STK32C: variants seen among roughly 807,000 people sequenced by gnomAD.
The protein encoded by STK32C is serine/threonine-protein kinase 32C.
STK32C carries 31 observed loss-of-function variants against 56.5 expected under a neutral mutation model. The ratio of observed to expected loss-of-function variants is 0.55; its 90% CI spans 0.41 to 0.74. The LOEUF is 0.74. STK32C is among the 30% of genes least tolerant of loss of function. The probability of loss-of-function intolerance (pLI) is 0.00; values close to 1 mark genes in which losing one functional copy is unlikely to be tolerated. For synonymous variants in STK32C, 309 were observed against 289.4 expected (o/e 1.07, Z -0.69); for missense variants, 544 against 676.9 (o/e 0.80, Z 2.18).
chr10:132,240,078 C>G (rs554083007), intron 2 of STK32C, among the ~76,000 whole-genome samples: 62 of 152,194 alleles, frequency 4.1e-4, no homozygotes, highest in Non-Finnish European at 5.2e-4. Context: ...GAGGCCCCCC[C>G]CAAAGAAGAC....
intron 1 of STK32C, among the ~76,000 whole-genome samples, chr10:132,251,938 CCACCACAGGCAGG>C (rs2063924033): frequency 1.0e-5 from 1 of 99,832 alleles, no homozygotes. Flanking sequence ...CCTCCACTAC[CCACCACAGGCAGG>C]TCAATGCCCT....
chr10:132,311,540 T>C (rs939889940), upstream of STK32C, among the ~76,000 whole-genome samples: 4 of 152,172 alleles, frequency 2.6e-5, no homozygotes, highest in Non-Finnish European at 5.9e-5. This position sits in a 1 kb window ranked among gnomAD's most constrained non-coding sequence, Gnocchi z 4.4. Context: ...TTAAAGGTCA[T>C]GTGGCCACCT....
At chr10:132,265,095 T>G (rs71512293) in intron 1 of STK32C, among the ~76,000 whole-genome samples, 3,235 of 80,554 alleles carry the variant, frequency 0.04, 56 homozygotes, top group Non-Finnish European at 0.055. Flanking sequence ...TGGGGGTGCC[T>G]CAAGGGCGGT....
At chr10:132,262,342 G>C (rs1484850747) in intron 1 of STK32C, among the ~76,000 whole-genome samples, 3 of 152,140 alleles carry the variant, frequency 2.0e-5, no homozygotes, top group African/African-American at 7.2e-5. Flanking sequence ...AGTTCTAGGA[G>C]AAAAGCAGAA....
At chr10:132,223,745 C>T (rs756000407) in intron 8 of STK32C, among the ~76,000 whole-genome samples, 23 of 152,182 alleles carry the variant, frequency 1.5e-4, no homozygotes, top group Non-Finnish European at 2.5e-4. Flanking sequence ...GGGAGGCAGC[C>T]GGGCCCGTGT....
chr10:132,212,629 A>G (rs756411933), intron 10 of STK32C, among the ~76,000 whole-genome samples: 1 of 152,208 alleles, frequency 6.6e-6, no homozygotes, highest in Non-Finnish European at 1.5e-5. Flanking sequence ...AAGATAGCCC[A>G]TGGAACAGGA....
chr10:132,231,807 A>C (rs919909895), intron 2 of STK32C, among the ~76,000 whole-genome samples: 1 of 152,218 alleles, frequency 6.6e-6, no homozygotes, highest in Non-Finnish European at 1.5e-5. Context: ...CAGCCTGGGA[A>C]TGGAGTGACA....
At chr10:132,208,181 T>C (rs765358376) in intron 11 of STK32C, 30 bp from the exon 12 acceptor site, 2 of 1,305,864 alleles carry the variant, frequency 1.5e-6, no homozygotes, top group African/African-American at 1.5e-5. Flanking sequence ...TGGAGGGCGT[T>C]ATGCCCCCAC....
intron 1 of STK32C, among the ~76,000 whole-genome samples, chr10:132,280,405 C>CA (rs1564772511): frequency 7.3e-6 from 1 of 137,712 alleles, no homozygotes; most frequent in Admixed American, 7.1e-5. Context: ...TGATCACGCA[C>CA]CTCCACCCCC....
chr10:132,331,954 G>T (rs1362390230), upstream of STK32C: 14 of 514,226 alleles, frequency 2.7e-5, no homozygotes, highest in South Asian at 3.0e-4. Context: ...CCCCAGCGCA[G>T]GCGCACCACA....
intron 10 of STK32C, among the ~76,000 whole-genome samples, chr10:132,209,750 G>A (rs1052488480): frequency 2.6e-5 from 4 of 152,186 alleles, no homozygotes; most frequent in South Asian, 4.1e-4. Context: ...TATGGTGACC[G>A]TGAACTTGGA....
chr10:132,283,062 C>T (rs1044885257), intron 1 of STK32C, among the ~76,000 whole-genome samples: 2 of 152,200 alleles, frequency 1.3e-5, no homozygotes, highest in Admixed American at 6.5e-5. Context: ...GCAGCCAACC[C>T]GGGGGCAGCA....
intron 10 of STK32C, chr10:132,209,401 T>C (rs1021920391): frequency 4.8e-6 from 3 of 626,172 alleles, no homozygotes; most frequent in Non-Finnish European, 8.9e-6. Context: ...CTGCGGGACT[T>C]TGCTGGAAAC....
At chr10:132,277,356 G>A (rs2065024028) in intron 1 of STK32C, among the ~76,000 whole-genome samples, 1 of 152,262 alleles carries the variant, frequency 6.6e-6, no homozygotes, top group Non-Finnish European at 1.5e-5. Flanking sequence ...CCATTCCTGT[G>A]CGGGGAGGTG....
chr10:132,318,045 G>T (rs920758231), intron 1 of STK32C, among the ~76,000 whole-genome samples: 132 of 149,980 alleles, frequency 8.8e-4, no homozygotes, highest in African/African-American at 3.2e-3. Context: ...CAAGGAGGGT[G>T]GATCACAAGG....
chr10:132,285,637 C>T (rs924996590), intron 1 of STK32C, among the ~76,000 whole-genome samples: 2 of 152,114 alleles, frequency 1.3e-5, no homozygotes, highest in African/African-American at 4.8e-5. Context: ...AGAAAGATAC[C>T]AACCCTAAAT....
At chr10:132,256,553 C>T (rs1009563508) in intron 1 of STK32C, among the ~76,000 whole-genome samples, 6 of 152,210 alleles carry the variant, frequency 3.9e-5, no homozygotes, top group African/African-American at 1.2e-4. Context: ...CCTGAGACCG[C>T]AGTGCCTGAG....
At chr10:132,225,645 TCCCAGGACC>T in intron 5 of STK32C, 29 bp from the exon 6 acceptor site, 1 of 1,607,738 alleles carries the variant, frequency 6.2e-7, no homozygotes, top group Non-Finnish European at 8.5e-7. Context: ...GGTGTGGCTG[TCCCAGGACC>T]AGAGATGCAT....
At chr10:132,331,485 T>G (rs1241901178) in exon 1 of STK32C, 1 of 1,612,692 alleles carries the variant, frequency 6.2e-7, no homozygotes, top group Non-Finnish European at 8.5e-7. Context: ...GCCTTACTTC[T>G]CCAAAGAGGA....
Sources: allele counts gnomAD v4.1 joint callset (sites outside exome capture counted in the v4.1 genomes callset), GRCh38; gene constraint gnomAD v4.1.1; non-coding constraint Gnocchi (gnomAD v3.1); transcripts MANE v1.5; gene names NCBI Gene and HGNC (gene_info 2026-07-23, HGNC 2026-07-21).